OSCAR: variants seen among roughly 807,000 people sequenced by gnomAD.
OSCAR encodes osteoclast associated Ig-like receptor.
OSCAR carries 25 observed loss-of-function variants against 27.3 expected under a neutral mutation model. The ratio of observed to expected loss-of-function variants is 0.92; its 90% CI spans 0.67 to 1.28. OSCAR has a LOEUF of 1.28. OSCAR is among the 50% of genes most tolerant of loss of function. The pLI, the probability that OSCAR is intolerant of heterozygous loss-of-function variation, is 0.00. For synonymous variants in OSCAR, 158 were observed against 165.7 expected, an observed-to-expected ratio of 0.95 and a Z score of 0.36; for missense variants, 354 against 355.1, an observed-to-expected ratio of 1.00 and a Z score of 0.03.
intron 2 of OSCAR, among the ~76,000 whole-genome samples, chr19:54,098,685 A>G (rs2072876226): frequency 6.6e-6 from 1 of 151,908 alleles, no homozygotes; most frequent in African/African-American, 2.4e-5. Context: ...CCCCATCTCT[A>G]AAAATGAATA....
intron 2 of OSCAR, 131 bp from the exon 3 acceptor site, chr19:54,097,295 A>C: frequency 2.1e-6 from 2 of 964,940 alleles, no homozygotes; most frequent in Non-Finnish European, 3.0e-6. Flanking sequence ...CCTGTTTGTA[A>C]AATCAGGGAG....
chr19:54,099,347 A>G (rs1294266657), intron 2 of OSCAR, among the ~76,000 whole-genome samples: 1 of 148,800 alleles, frequency 6.7e-6, no homozygotes, highest in Non-Finnish European at 1.5e-5. Flanking sequence ...GGGATTACAG[A>G]CGTTGGCCAT....
intron 3 of OSCAR, 130 bp downstream of exon 3, chr19:54,096,732 G>T: frequency 1.0e-6 from 1 of 1,002,286 alleles, no homozygotes; most frequent in African/African-American, 1.7e-5. Flanking sequence ...TAGTGTCTCT[G>T]TATCTGTCTT....
intron 1 of OSCAR, among the ~76,000 whole-genome samples, chr19:54,100,521 G>A (rs587721486): frequency 1.8e-4 from 27 of 152,192 alleles, no homozygotes; most frequent in African/African-American, 5.8e-4. Context: ...CCTGTCTCCT[G>A]ACCTCTTCCT....
In OSCAR at chr19:54,097,025, G is replaced by C. The variant is rs1414602729; in HGVS notation, c.210C>G (p.Ile70Met). 2 of 1,614,182 alleles carry C rather than the reference G, an allele frequency of 1.2e-6. No homozygotes were observed. Among genetic ancestry groups the C allele is most frequent in the East Asian group, 2.2e-5 (1 of 44,886 alleles). The change falls in exon 3 of 5, where the codon ATC (isoleucine) becomes ATG (methionine). Residue 70 changes from isoleucine (I) to methionine (M), a missense_variant. Physicochemically the swap from Ile to Met is conservative, Grantham distance 10. Coordinates refer to ENST00000358375, the MANE Select transcript of OSCAR (RefSeq NM_133169.6). ...WRFGLFKPGE[I>M]APLLFRDVSS... The stretch of plus-strand genomic sequence containing the variant: ...ACACATCCCGGAAGAGAAGGGGAGC[G>C]ATCTCTCCAGGCTTGAAAAGTCCAA...
rs746784561 is a variant in OSCAR, at chr19:54,095,333, C to G, written c.680G>C (p.Arg227Pro). ...CAGCCCCAGGCGGACTAGGTTCCCC[C>G]GGGTGTAGTCGGAGGAGCCAGAGTC... Reference protein sequence around the residue: ...WEDSGSSDYTRGNLVRLGLAG... With the variant: ...WEDSGSSDYTPGNLVRLGLAG... Residue 227 changes from arginine (R) to proline (P), a missense_variant, in exon 5 of 5, where the codon CGG (arginine) becomes CCG (proline). Physicochemically the swap from Arg to Pro is moderately radical, Grantham distance 103 (BLOSUM62 -2). Coordinates refer to ENST00000358375, the MANE Select transcript of OSCAR (RefSeq NM_133169.6). The G allele has an allele frequency of 2.5e-6, 4 of 1,569,454 alleles. No individual in the cohort carries two copies. Among genetic ancestry groups the G allele is most frequent in the South Asian group, 1.2e-5 (1 of 85,640 alleles).
At position 54,097,131 on chromosome 19, in the gene OSCAR, A is replaced by G. The variant is rs1398123384; in HGVS notation, c.104T>C (p.Leu35Pro). The G allele has an allele frequency of 3.0e-5, 48 of 1,613,988 alleles. No individual in the cohort carries two copies. The highest frequency in any genetic ancestry group is 4.0e-5 in the Non-Finnish European group (47 of 1,180,002). Residue 35 changes from leucine to proline, a missense_variant, in exon 3 of 5, where the codon CTG becomes CCG. Transcript: ENST00000358375. ...CACAACTGTAGCCGGCTGAGCTCCC[A>G]GCCATGGCTTAGGGTGGTATGAAGC... Reference protein sequence around the residue: ...PPASYHPKPWLGAQPATVVTP... With the variant: ...PPASYHPKPWPGAQPATVVTP...
chr19:54,099,365 A>T (rs762856363), intron 2 of OSCAR, among the ~76,000 whole-genome samples: 1 of 150,038 alleles, frequency 6.7e-6, no homozygotes, highest in East Asian at 2.0e-4. Context: ...CATTGCGCCC[A>T]GCCCAAGATC....
intron 2 of OSCAR, chr19:54,099,441 C>T (rs2072933253): frequency 9.7e-6 from 8 of 826,676 alleles, no homozygotes; most frequent in Non-Finnish European, 1.7e-5. Flanking sequence ...TGAGATCTCA[C>T]AGCGGCCCAT....
intron 3 of OSCAR, among the ~76,000 whole-genome samples, chr19:54,096,571 T>C (rs1299685267): frequency 8.2e-6 from 1 of 121,270 alleles, no homozygotes; most frequent in Admixed American, 8.4e-5. Flanking sequence ...TCTCTCTGCC[T>C]GCCTCTCTCT....
chr19:54,095,572 A>G (rs2072601534), intron 4 of OSCAR: 3 of 1,251,326 alleles, frequency 2.4e-6, no homozygotes, highest in Admixed American at 7.5e-5. Flanking sequence ...GGGGGCCTGG[A>G]GTCCTGGGTC....
intron 1 of OSCAR, 38 bp downstream of exon 1, chr19:54,100,718 C>T: frequency 6.5e-7 from 1 of 1,548,348 alleles, no homozygotes; most frequent in Non-Finnish European, 8.7e-7. Context: ...GCCCCCAACC[C>T]CAGCCAGGAA....
chr19:54,095,681 G>C (rs904190860), intron 4 of OSCAR, 191 bp downstream of exon 4: 4 of 1,067,310 alleles, frequency 3.7e-6, no homozygotes, highest in Non-Finnish European at 5.3e-6. Flanking sequence ...TGGAGGACTA[G>C]ACTCCTGGAT....
chr19:54,096,248 G>C, intron 3 of OSCAR, 95 bp from the exon 4 acceptor site: 1 of 1,117,990 alleles, frequency 8.9e-7, no homozygotes, highest in Non-Finnish European at 1.2e-6. Flanking sequence ...CGCTTTCTCT[G>C]TGCCTCTCTC....
At chr19:54,098,817 C>G (rs2146302407) in intron 2 of OSCAR, among the ~76,000 whole-genome samples, 1 of 151,892 alleles carries the variant, frequency 6.6e-6, no homozygotes, top group East Asian at 2.0e-4. Flanking sequence ...GAAACCCTGT[C>G]TCTACTAAAA....
At chr19:54,096,623 T>TCTCTCTCTGCCTCC (rs2072737583) in intron 3 of OSCAR, among the ~76,000 whole-genome samples, 1 of 147,884 alleles carries the variant, frequency 6.8e-6, no homozygotes, top group African/African-American at 2.5e-5. Context: ...TCTGCCTCCC[T>TCTCTCTCTGCCTCC]CTCTCTCTGC....
chr19:54,096,859 C>T lies in OSCAR; in HGVS notation c.373+3G>A. 2 of 1,611,978 alleles carry T rather than the reference C, an allele frequency of 1.2e-6. No homozygotes were observed. The highest frequency in any genetic ancestry group is 1.7e-6 in the Non-Finnish European group (2 of 1,178,724). ...CTTCTCCTCCCCGACCCCAGGACCT[C>T]ACCTGTCACCAGCAGCTCCAGGACA... On this transcript the variant is annotated splice_donor_region_variant and intron_variant, in intron 3 of 4. Transcript: ENST00000358375.
At chr19:54,096,228 C>T (rs2072686839) in intron 3 of OSCAR, 75 bp from the exon 4 acceptor site, 1 of 1,281,300 alleles carries the variant, frequency 7.8e-7, no homozygotes, top group African/African-American at 1.6e-5. Flanking sequence ...TCTCCTTCTC[C>T]TCTGTCTCTC....
intron 4 of OSCAR, 84 bp downstream of exon 4, chr19:54,095,788 C>T (rs756863924): frequency 1.3e-6 from 2 of 1,543,816 alleles, no homozygotes; most frequent in South Asian, 2.4e-5. Context: ...AGGCTGGGGG[C>T]CTGGGCTCCT....
Sources: allele counts gnomAD v4.1 joint callset (sites outside exome capture counted in the v4.1 genomes callset), GRCh38; gene constraint gnomAD v4.1.1; transcripts MANE v1.5; gene names NCBI Gene and HGNC (gene_info 2026-07-23, HGNC 2026-07-21).